Variants in TEC observed in about 807,000 individuals in gnomAD.
The protein encoded by TEC is tyrosine-protein kinase Tec.
In TEC, 72 loss-of-function variants were observed where a neutral mutation model predicts 93.0. That is an observed-to-expected ratio of 0.77 (90% CI 0.64 to 0.94). The LOEUF (loss-of-function observed/expected upper bound fraction) is 0.94. Ranked by LOEUF, TEC falls within the 40% of genes least tolerant of loss-of-function variation. The probability of loss-of-function intolerance (pLI) is 0.00; values close to 1 mark genes in which losing one functional copy is unlikely to be tolerated. For missense variants in TEC, 630 were observed against 757.9 expected (o/e 0.83, Z 1.98); for synonymous variants, 249 against 247.7 (o/e 1.01, Z -0.05).
chr4:48,161,721 T>A (rs936676038), intron 8 of TEC, among the ~76,000 whole-genome samples: 1 of 151,948 alleles, frequency 6.6e-6, no homozygotes, highest in Non-Finnish European at 1.5e-5. Context: ...CATGACGGTG[T>A]TGCCAAAGGA....
intron 2 of TEC, among the ~76,000 whole-genome samples, chr4:48,183,751 G>A (rs1433660053): frequency 2.0e-5 from 3 of 152,218 alleles, no homozygotes; most frequent in East Asian, 1.9e-4. Flanking sequence ...AATCTATTGC[G>A]TGAGCCCATT....
At chr4:48,195,992 C>G in intron 2 of TEC, among the ~76,000 whole-genome samples, 1 of 152,186 alleles carries the variant, frequency 6.6e-6, no homozygotes, top group African/African-American at 2.4e-5. Context: ...TCCTTACCCC[C>G]GCCTCACCTC....
chr4:48,248,000 T>C (rs1293194535), intron 1 of TEC, among the ~76,000 whole-genome samples: 2 of 152,226 alleles, frequency 1.3e-5, no homozygotes, highest in East Asian at 1.9e-4. Context: ...CTCAGACTTA[T>C]GCAGGGGTTG....
At chr4:48,157,213 GT>G (rs1356062634) in intron 8 of TEC, among the ~76,000 whole-genome samples, 3 of 152,286 alleles carry the variant, frequency 2.0e-5, no homozygotes, top group Non-Finnish European at 4.4e-5. Context: ...ATTATTGTCT[GT>G]AATTCAAACT....
intron 8 of TEC, among the ~76,000 whole-genome samples, chr4:48,163,020 A>T (rs751842035): frequency 3.3e-5 from 5 of 149,556 alleles, no homozygotes; most frequent in South Asian, 2.1e-4. Flanking sequence ...ACGTTATCCC[A>T]TTTTTTTTTT....
intron 1 of TEC, among the ~76,000 whole-genome samples, chr4:48,250,304 G>C (rs536898074): frequency 1.3e-5 from 2 of 152,226 alleles, no homozygotes; most frequent in Non-Finnish European, 2.9e-5. Context: ...TCTTTGGACT[G>C]TACCCCTAAA....
At chr4:48,228,060 A>G (rs1205001071) in intron 2 of TEC, among the ~76,000 whole-genome samples, 3 of 152,214 alleles carry the variant, frequency 2.0e-5, no homozygotes, top group Non-Finnish European at 2.9e-5. Context: ...CAACTTCGAT[A>G]ACGTGTTGAG....
intron 1 of TEC, among the ~76,000 whole-genome samples, chr4:48,229,941 G>A (rs1263134637): frequency 1.3e-5 from 2 of 151,734 alleles, no homozygotes; most frequent in Non-Finnish European, 2.9e-5. Context: ...TGGACATGGT[G>A]GCAGGTGCCT....
At chr4:48,244,001 G>A (rs534874421) in intron 1 of TEC, among the ~76,000 whole-genome samples, 62 of 149,516 alleles carry the variant, frequency 4.1e-4, no homozygotes, top group Non-Finnish European at 8.4e-4. Flanking sequence ...GAGATAACCA[G>A]CAAAGGTGAT....
chr4:48,194,857 T>C (rs1722238715), intron 2 of TEC, among the ~76,000 whole-genome samples: 1 of 152,216 alleles, frequency 6.6e-6, no homozygotes, highest in Non-Finnish European at 1.5e-5. Flanking sequence ...GGCCAATCAC[T>C]GCTTTTACTA....
intron 17 of TEC, among the ~76,000 whole-genome samples, chr4:48,138,318 A>T (rs1719514620): frequency 6.6e-6 from 1 of 152,144 alleles, no homozygotes; most frequent in South Asian, 2.1e-4. Context: ...AAAGAAACCA[A>T]CTCTGGTAAA....
At chr4:48,213,341 A>G (rs753284514) in intron 2 of TEC, among the ~76,000 whole-genome samples, 8 of 152,248 alleles carry the variant, frequency 5.3e-5, no homozygotes, top group Non-Finnish European at 1.0e-4. Flanking sequence ...ATCATGCGAA[A>G]CTTTGAGAAA....
At chr4:48,162,751 G>A (rs1720723342) in intron 8 of TEC, among the ~76,000 whole-genome samples, 4 of 152,178 alleles carry the variant, frequency 2.6e-5, no homozygotes, top group Admixed American at 2.6e-4. Flanking sequence ...CATGAAGAGA[G>A]GAACAGCTTG....
intron 1 of TEC, among the ~76,000 whole-genome samples, chr4:48,245,163 C>T (rs1392870519): frequency 4.0e-5 from 6 of 151,826 alleles, no homozygotes; most frequent in Non-Finnish European, 7.4e-5. Flanking sequence ...TGTGGTGGTG[C>T]GTGTCTGTAA....
intron 1 of TEC, among the ~76,000 whole-genome samples, chr4:48,235,298 G>T (rs1723755414): frequency 6.6e-6 from 1 of 152,130 alleles, no homozygotes; most frequent in South Asian, 2.1e-4. Context: ...GGTCTGGTTT[G>T]TTGGGGCCTA....
At chr4:48,214,414 C>T (rs1723006888) in intron 2 of TEC, among the ~76,000 whole-genome samples, 1 of 152,192 alleles carries the variant, frequency 6.6e-6, no homozygotes, top group Non-Finnish European at 1.5e-5. Context: ...AGGAAAGTGA[C>T]AAGCACAGAC....
rs1038966960 is a variant in TEC, at chr4:48,136,702, CA to C, written c.*713del. The C allele has an allele frequency of 6.6e-6, 1 of 152,128 alleles. No homozygotes were observed. Among genetic ancestry groups the C allele is most frequent in the Non-Finnish European group, 1.5e-5 (1 of 68,000 alleles). The allele number at this position is 152,128 out of a possible 1,614,324, so 9.4% of individuals were successfully genotyped here. ...CTTCTCTTCAGGCATATTTGATGTT[CA>C]GGGGGAAATGAATTAACAGCTATAA... On this transcript the variant is annotated 3_prime_UTR_variant, in exon 18 of 18. Coordinates refer to ENST00000381501, the MANE Select transcript of TEC (RefSeq NM_003215.3).
chr4:48,267,938 A>C (rs1436322252), intron 1 of TEC, among the ~76,000 whole-genome samples: 1 of 152,236 alleles, frequency 6.6e-6, no homozygotes, highest in Admixed American at 6.5e-5. Context: ...TGGAGGCCCA[A>C]GGCCCTGTCT....
At chr4:48,238,319 G>A (rs938795734) in intron 1 of TEC, among the ~76,000 whole-genome samples, 53 of 152,190 alleles carry the variant, frequency 3.5e-4, no homozygotes, top group Non-Finnish European at 1.5e-5. Context: ...CTTTCAGCCA[G>A]TTGATATGCA....
Sources: allele counts gnomAD v4.1 joint callset (sites outside exome capture counted in the v4.1 genomes callset), GRCh38; gene constraint gnomAD v4.1.1; transcripts MANE v1.5; gene names NCBI Gene and HGNC (gene_info 2026-07-23, HGNC 2026-07-21).